Variants in PITPNC1 observed in about 807,000 individuals in gnomAD.
PITPNC1 encodes phosphatidylinositol transfer protein cytoplasmic 1.
Under a neutral mutation model 44.7 loss-of-function variants are expected in PITPNC1, and 18 were observed. The ratio of observed to expected loss-of-function variants is 0.40; its 90% CI spans 0.28 to 0.60. PITPNC1 has a LOEUF of 0.60. Ranked by LOEUF, PITPNC1 falls within the 20% of genes least tolerant of loss-of-function variation. The pLI is 0.39. For synonymous variants in PITPNC1, 141 were observed against 149.6 expected, an observed-to-expected ratio of 0.94 and a Z score of 0.42; for missense variants, 290 against 418.4, an observed-to-expected ratio of 0.69 and a Z score of 2.68.
rs190530951 is a variant in PITPNC1 at position 67,480,320 on chromosome 17, C to T, written c.49-52482C>T. On this transcript the variant is annotated intron_variant, in intron 1 of 8. Transcript: ENST00000581322. ...AATACAGGTGCCCAGAAAGAGGGAACATCTTTGTTTGCAGGGATATGTTAA... is the reference window on the plus strand; with the variant it reads ...AATACAGGTGCCCAGAAAGAGGGAATATCTTTGTTTGCAGGGATATGTTAA... 5.3e-5 allele frequency among the ~76,000 whole-genome samples: 8 copies of T among 152,274 alleles called. No homozygotes were observed. The South Asian group carries it at 8.3e-4, about 16-fold the overall frequency.
At chr17:67,485,104 A>C (rs2039759025) in intron 1 of PITPNC1, among the ~76,000 whole-genome samples, 1 of 152,170 alleles carries the variant, frequency 6.6e-6, no homozygotes, top group Non-Finnish European at 1.5e-5. Context: ...TGGTAGAGCC[A>C]GGATTTGAAC....
chr17:67,397,183 G>T (rs2038232660), intron 1 of PITPNC1, among the ~76,000 whole-genome samples: 3 of 151,958 alleles, frequency 2.0e-5, no homozygotes, highest in Non-Finnish European at 4.4e-5. Context: ...GTTTCTCCAT[G>T]TTGGCCAGGC....
At chr17:67,622,822 C>T (rs892079651) in intron 5 of PITPNC1, among the ~76,000 whole-genome samples, 5 of 151,570 alleles carry the variant, frequency 3.3e-5, no homozygotes, top group African/African-American at 9.7e-5. Context: ...GTTGCAGTCA[C>T]GCCAATGCAT....
chr17:67,384,654 T>A (rs981787858), intron 1 of PITPNC1, among the ~76,000 whole-genome samples: 2 of 152,138 alleles, frequency 1.3e-5, no homozygotes, highest in Admixed American at 1.3e-4. Flanking sequence ...CTCGATCTCC[T>A]GACCTCGTGA....
intron 1 of PITPNC1, among the ~76,000 whole-genome samples, chr17:67,495,920 G>A (rs1435998885): frequency 6.6e-6 from 1 of 152,216 alleles, no homozygotes; most frequent in Non-Finnish European, 1.5e-5. Flanking sequence ...AGCCAAAGAC[G>A]TTAATCCATT....
chr17:67,531,114 G>A (rs547382350), intron 1 of PITPNC1, among the ~76,000 whole-genome samples: 14 of 152,114 alleles, frequency 9.2e-5, no homozygotes, highest in Admixed American at 3.9e-4. Flanking sequence ...GTGCTGGTGC[G>A]CACCTGTAGT....
chr17:67,521,577 T>G (rs1218255354), intron 1 of PITPNC1, among the ~76,000 whole-genome samples: 1 of 151,998 alleles, frequency 6.6e-6, no homozygotes, highest in African/African-American at 2.4e-5. Flanking sequence ...TTTTTTTTTG[T>G]TATTATTTTT....
rs187137148 is a variant in PITPNC1 at position 67,609,687 on chromosome 17, A to G, written c.367-22456A>G. 5.6e-3 allele frequency among the ~76,000 whole-genome samples: 845 copies of G among 151,926 alleles called. 4 individuals carry two copies. Among genetic ancestry groups the G allele is most frequent in the Non-Finnish European group, 6.4e-3 (436 of 67,948 alleles). On this transcript the variant is annotated intron_variant, in intron 5 of 8. Transcript: ENST00000581322. ...GGAAGAATCCCAAAGCAGAGGCGAC[A>G]GTGGACTCTTTCTATCCTGTGCTCT...
Position 67,669,657 on chromosome 17 carries a change from A to G in PITPNC1, c.612A>G (p.Val204=). Residue 204 remains valine (V), a synonymous_variant, in exon 7 of 9, where the codon GTA becomes GTG. Coordinates refer to ENST00000581322, the MANE Select transcript of PITPNC1 (RefSeq NM_012417.4). The part of the protein sequence containing the change: ...WGLQTRVEQF[V]HKVVRDILLI... ...TTCAGACCAGAGTGGAACAATTTGT[A>G]CACAAGGTAAGTGGTCCAACAGCAG... The G allele has an allele frequency of 2.5e-6, 4 of 1,591,550 alleles. No individual in the cohort carries two copies. Among genetic ancestry groups the G allele is most frequent in the Non-Finnish European group, 3.4e-6 (4 of 1,168,592 alleles).
At chr17:67,438,232 T>C (rs957047628) in intron 1 of PITPNC1, among the ~76,000 whole-genome samples, 2 of 152,160 alleles carry the variant, frequency 1.3e-5, no homozygotes, top group African/African-American at 4.8e-5. Context: ...GCCACCATCA[T>C]TCCGCTGTGT....
At chr17:67,558,466 TAAA>T (rs139657943) in intron 4 of PITPNC1, among the ~76,000 whole-genome samples, 5 of 132,534 alleles carry the variant, frequency 3.8e-5, no homozygotes, top group Admixed American at 7.6e-5. Context: ...TTTCTAGAGC[TAAA>T]AAAAAAAAAA....
At chr17:67,413,277 G>A (rs2038531517) in intron 1 of PITPNC1, among the ~76,000 whole-genome samples, 1 of 152,076 alleles carries the variant, frequency 6.6e-6, no homozygotes, top group African/African-American at 2.4e-5. Context: ...TATTATATGG[G>A]AATTAAACTT....
At chr17:67,450,804 T>G (rs6504507) in intron 1 of PITPNC1, among the ~76,000 whole-genome samples, 1 of 152,036 alleles carries the variant, frequency 6.6e-6, no homozygotes, top group Non-Finnish European at 1.5e-5. Context: ...CTGTTCACTT[T>G]CAGAACTTTT....
intron 5 of PITPNC1, among the ~76,000 whole-genome samples, chr17:67,628,830 C>T (rs1457383773): frequency 1.3e-5 from 2 of 152,192 alleles, no homozygotes; most frequent in Non-Finnish European, 2.9e-5. Flanking sequence ...AGGCTTGCAG[C>T]TGGGGCAGAG....
intron 1 of PITPNC1, among the ~76,000 whole-genome samples, chr17:67,444,758 G>A (rs992630318): frequency 2.0e-5 from 3 of 151,964 alleles, no homozygotes; most frequent in African/African-American, 4.8e-5. Flanking sequence ...TTAGCCGAGC[G>A]TGGTGGCATG....
At chr17:67,637,044 A>G (rs930413003) in intron 6 of PITPNC1, among the ~76,000 whole-genome samples, 2 of 152,184 alleles carry the variant, frequency 1.3e-5, no homozygotes, top group African/African-American at 4.8e-5. Flanking sequence ...CGTGGCTTCT[A>G]GATCATGCTA....
chr17:67,603,113 G>A (rs974836561), intron 5 of PITPNC1, among the ~76,000 whole-genome samples: 1 of 152,094 alleles, frequency 6.6e-6, no homozygotes, highest in Non-Finnish European at 1.5e-5. Flanking sequence ...GGATTCAATT[G>A]TCTTCTCACA....
chr17:67,476,969 G>T (rs1416176831), intron 1 of PITPNC1, among the ~76,000 whole-genome samples: 1 of 152,172 alleles, frequency 6.6e-6, no homozygotes, highest in Non-Finnish European at 1.5e-5. Flanking sequence ...ATCAGAACCT[G>T]CATTGCAACA....
At chr17:67,610,183 C>T (rs1305137611) in intron 5 of PITPNC1, among the ~76,000 whole-genome samples, 1 of 152,138 alleles carries the variant, frequency 6.6e-6, no homozygotes, top group Non-Finnish European at 1.5e-5. Context: ...TTGTTAGGAT[C>T]TCAGGCCCCA....
Sources: gnomAD v4.1 joint callset for allele counts (sites outside exome capture counted in the v4.1 genomes callset) on GRCh38, gnomAD v4.1.1 for gene constraint, MANE v1.5 for transcripts, NCBI Gene and HGNC (gene_info 2026-07-23, HGNC 2026-07-21) for gene names.